LRTM2: variants seen among roughly 807,000 people sequenced by gnomAD.
LRTM2 encodes leucine rich repeat transmembrane protein 2.
A neutral mutation model predicts 28.1 loss-of-function variants in LRTM2; 18 were observed. The observed-to-expected ratio is 0.64, with a 90% CI of 0.44 to 0.95. The LOEUF is 0.95. Ranked by LOEUF, LRTM2 falls within the 40% of genes least tolerant of loss-of-function variation. The pLI is 0.00. For missense variants in LRTM2, 436 were observed against 497.2 expected (o/e 0.88, Z 1.17); for synonymous variants, 250 against 218.7 (o/e 1.14, Z -1.26).
rs1864869106 is a variant in LRTM2 at position 1,836,601 on chromosome 12, A to C, written c.*1880A>C. 6.6e-6 allele frequency: 1 copy of C among 152,430 alleles called. No individual in the cohort carries two copies. Among genetic ancestry groups the C allele is most frequent in the Non-Finnish European group, 1.5e-5 (1 of 68,064 alleles). 9.4% of individuals were successfully genotyped at this position (152,430 alleles called of 1,614,324 possible). ...TCCTTCTTTTGGCGTGTGGGCTGGT[A>C]CCAGATCTGGGGATTTTCTAAAGGG... is the stretch of plus-strand genomic sequence containing the variant. On this transcript the variant is annotated 3_prime_UTR_variant, in exon 5 of 5. Coordinates refer to ENST00000299194, the MANE Select transcript of LRTM2 (RefSeq NM_001039029.3).
rs190717324 is a variant in LRTM2, at chr12:1,828,188, C to T, written c.40C>T (p.Leu14Phe). Reference protein sequence around the residue: ...PGSSPGQRGRLALQWRQVSWI... With the variant: ...PGSSPGQRGRFALQWRQVSWI... ...CAGCAGCCCTGGGCAGAGGGGCAGG[C>T]TCGCCCTGCAGTGGAGGCAAGTCTC... is the stretch of plus-strand genomic sequence containing the variant. The change falls in exon 3 of 5, where the codon CTC becomes TTC. Residue 14 changes from leucine to phenylalanine, a missense_variant. Leu to Phe is a conservative substitution (Grantham distance 22). Transcript: ENST00000299194. The surrounding 1 kb of genome is among the most constrained non-coding windows in gnomAD (Gnocchi z 4.2). The T allele has an allele frequency of 1.3e-3, 2,071 of 1,547,182 alleles. 3 individuals are homozygous for T. The highest frequency in any genetic ancestry group is 0.012 in the Middle Eastern group (70 of 5,762).
Position 1,821,603 on chromosome 12 carries a change from T to A in LRTM2, c.-259+789T>A, listed in dbSNP as rs552369530. Among the ~76,000 whole-genome samples the A allele has an allele frequency of 9.1e-4, 138 of 152,196 alleles. 1 individual carries two copies. Among genetic ancestry groups the A allele is most frequent in the Middle Eastern group, 3.4e-3 (1 of 294 alleles). ...TGGGTCAGGGAGCCTTAGTGGGGGC[T>A]GGACACTGAGCTTGGGTGGGGGGTA... On this transcript the variant is annotated intron_variant, in intron 1 of 4. Transcript: ENST00000299194.
chr12:1,831,624 G>A (rs542707720), intron 4 of LRTM2, 99 bp downstream of exon 4: 10 of 1,079,008 alleles, frequency 9.3e-6, no homozygotes, highest in Admixed American at 2.4e-5. Flanking sequence ...CAGAGAGCAG[G>A]CCAGGGGAAA....
At chr12:1,826,411 C>T (rs4564390) in intron 1 of LRTM2, among the ~76,000 whole-genome samples, 1,115 of 102,582 alleles carry the variant, frequency 0.011, 27 homozygotes, top group East Asian at 0.039. Flanking sequence ...CCCCCCCCCC[C>T]CCCCCGCCAA....
At position 1,828,041 on chromosome 12, in the gene LRTM2, C is replaced by T. The variant is rs140663876; in HGVS notation, c.-73-35C>T. 94 of 1,077,540 alleles carry T rather than the reference C, an allele frequency of 8.7e-5. No individual in the cohort carries two copies. Among genetic ancestry groups the T allele is most frequent in the East Asian group, 3.0e-4 (10 of 33,628 alleles). The allele number at this position is 1,077,540 out of a possible 1,614,324, so 66.7% of individuals were successfully genotyped here. A position where few individuals can be genotyped will look rare whatever the true frequency, so the allele number is the denominator to read the frequency against. The stretch of plus-strand genomic sequence containing the variant: ...CCCCTGGGCTGGAACGGGGCTCCCG[C>T]GCCTGCCTGTGCTCAGTGCTCCTCC... On this transcript the variant is annotated intron_variant, in intron 2 of 4. Transcript: ENST00000299194. The surrounding 1 kb of genome is among the most constrained non-coding windows in gnomAD (Gnocchi z 4.2).
rs1331264735 is a variant in LRTM2, at chr12:1,829,853, T to G, written c.68-1082T>G. 6.6e-6 allele frequency among the ~76,000 whole-genome samples: 1 copy of G among 152,086 alleles called. No homozygotes were observed. Among genetic ancestry groups the G allele is most frequent in the East Asian group, 1.9e-4 (1 of 5,160 alleles). On this transcript the variant is annotated intron_variant, in intron 3 of 4. Coordinates refer to ENST00000299194, the MANE Select transcript of LRTM2 (RefSeq NM_001039029.3). This position sits in a 1 kb window ranked among gnomAD's most constrained non-coding sequence, Gnocchi z 4.2. ...CTGGGCTGACCTGGTGGGGCTGAAC[T>G]ATTTTGAATTCTTCCCAGTTCTCTT...
At chr12:1,822,945 G>C (rs1052457287) in intron 1 of LRTM2, among the ~76,000 whole-genome samples, 1 of 152,206 alleles carries the variant, frequency 6.6e-6, no homozygotes, top group African/African-American at 2.4e-5. Flanking sequence ...TTGGTGGAAG[G>C]GCACGGCCCC....
intron 1 of LRTM2, among the ~76,000 whole-genome samples, chr12:1,826,495 G>C (rs1427915231): frequency 6.6e-6 from 1 of 150,666 alleles, no homozygotes; most frequent in Non-Finnish European, 1.5e-5. Context: ...ACGCTCAGGG[G>C]CTCCTCCACC....
intron 3 of LRTM2, among the ~76,000 whole-genome samples, chr12:1,830,147 A>G (rs900859134): frequency 2.6e-5 from 4 of 152,232 alleles, no homozygotes; most frequent in African/African-American, 9.6e-5. Flanking sequence ...CCAGGCTGAG[A>G]GCCTAGATGG....
Position 1,834,630 on chromosome 12 carries a change from A to G in LRTM2, c.1022A>G (p.Lys341Arg), listed in dbSNP as rs1166244301. Residue 341 changes from lysine to arginine, a missense_variant, in exon 5 of 5, where the codon AAG (lysine) becomes AGG (arginine). By Grantham distance (26) the Lys-to-Arg change is conservative. Coordinates refer to ENST00000299194, the MANE Select transcript of LRTM2 (RefSeq NM_001039029.3). This position sits in a 1 kb window ranked among gnomAD's most constrained non-coding sequence, Gnocchi z 7.6. ...TGCATCTACGCCTCCCTCATGGCCA[A>G]GTACCACCGGGAGCTCAAAAAGCGC... is the stretch of plus-strand genomic sequence containing the variant. ...YGCIYASLMA[K>R]YHRELKKRQP... 1.9e-6 allele frequency: 3 copies of G among 1,600,320 alleles called. No individual in the cohort carries two copies. The highest frequency in any genetic ancestry group is 1.1e-5 in the South Asian group (1 of 91,078).
intron 4 of LRTM2, among the ~76,000 whole-genome samples, chr12:1,832,740 T>C (rs1383061172): frequency 3.3e-5 from 5 of 152,230 alleles, no homozygotes; most frequent in Non-Finnish European, 7.3e-5. Context: ...TAGTTTCCAG[T>C]TTACCAATGT....
rs1864794576 is a variant in LRTM2, at chr12:1,834,974, A to G, written c.*253A>G. 1.6e-6 allele frequency: 1 copy of G among 614,258 alleles called. No individual in the cohort carries two copies. Among genetic ancestry groups the G allele is most frequent in the Non-Finnish European group, 2.7e-6 (1 of 376,962 alleles). The allele number at this position is 614,258 out of a possible 1,614,324, so 38.1% of individuals were successfully genotyped here. ...TTTGGAACATGTGGGGGATCTCCCTAAGCTCTGGCCACAGCAAAGCAAGGA... is the reference window on the plus strand; with the variant it reads ...TTTGGAACATGTGGGGGATCTCCCTGAGCTCTGGCCACAGCAAAGCAAGGA... On this transcript the variant is annotated 3_prime_UTR_variant, in exon 5 of 5. Coordinates refer to ENST00000299194, the MANE Select transcript of LRTM2 (RefSeq NM_001039029.3). This position sits in a 1 kb window ranked among gnomAD's most constrained non-coding sequence, Gnocchi z 7.6.
At chr12:1,822,332 G>A (rs1864138013) in intron 1 of LRTM2, among the ~76,000 whole-genome samples, 1 of 152,122 alleles carries the variant, frequency 6.6e-6, no homozygotes, top group African/African-American at 2.4e-5. Flanking sequence ...TGATGGTTGG[G>A]GGTGTCTGGG....
Position 1,822,328 on chromosome 12 carries a change from T to C in LRTM2, c.-259+1514T>C, listed in dbSNP as rs148812564. ...GGAGGGGATGGCATGTATGTGATGG[T>C]TGGGGGTGTCTGGGAGTTCTGGGGG... is the stretch of plus-strand genomic sequence containing the variant. On this transcript the variant is annotated intron_variant, in intron 1 of 4. Transcript: ENST00000299194. Among the ~76,000 whole-genome samples the C allele has an allele frequency of 4.7e-3, 718 of 151,996 alleles. 5 individuals carry two copies. Among genetic ancestry groups the C allele is most frequent in the African/African-American group, 0.017 (687 of 41,466 alleles).
Position 1,827,586 on chromosome 12 carries a change from C to T in LRTM2, c.-82C>T, listed in dbSNP as rs539728311. 2.7e-4 allele frequency: 42 copies of T among 153,238 alleles called. No homozygotes were observed. Among genetic ancestry groups the T allele is most frequent in the Middle Eastern group, 3.4e-3 (1 of 294 alleles). 9.5% of individuals were successfully genotyped at this position (153,238 alleles called of 1,614,324 possible). On this transcript the variant is annotated 5_prime_UTR_variant, in exon 2 of 5. Coordinates refer to ENST00000299194, the MANE Select transcript of LRTM2 (RefSeq NM_001039029.3). ...CCAAGGGCCTGGCCCCTGCCTCCCTCGGGCCATGGTGAGCTGTGGCGGGGC... is the reference window on the plus strand; with the variant it reads ...CCAAGGGCCTGGCCCCTGCCTCCCTTGGGCCATGGTGAGCTGTGGCGGGGC...
Position 1,831,185 on chromosome 12 carries a change from G to T in LRTM2, c.318G>T (p.Arg106=). 1 of 1,613,862 alleles carries T rather than the reference G, an allele frequency of 6.2e-7. No individual in the cohort carries two copies. Among genetic ancestry groups the T allele is most frequent in the Non-Finnish European group, 8.5e-7 (1 of 1,180,026 alleles). Reference sequence around the variant, plus strand: ...ACCTGTCCAACAACTTCCTGGACCGGCTGCCCCGCTCCATTTTCGGGGACC... The same window carrying T: ...ACCTGTCCAACAACTTCCTGGACCGTCTGCCCCGCTCCATTTTCGGGGACC... ...RLDLSNNFLD[R]LPRSIFGDLT... The change falls in exon 4 of 5, where the codon CGG becomes CGT. Residue 106 remains arginine, a synonymous_variant. Transcript: ENST00000299194.
At chr12:1,823,452 GT>G (rs1359871851) in intron 1 of LRTM2, among the ~76,000 whole-genome samples, 2 of 152,126 alleles carry the variant, frequency 1.3e-5, no homozygotes, top group African/African-American at 4.8e-5. Flanking sequence ...GCCGAGTGGG[GT>G]GCTAGCAGGG....
At chr12:1,822,622 C>T (rs573721610) in intron 1 of LRTM2, among the ~76,000 whole-genome samples, 1 of 152,244 alleles carries the variant, frequency 6.6e-6, no homozygotes, top group South Asian at 2.1e-4. Flanking sequence ...GACAAGGAAA[C>T]GGGGGTGCAG....
In LRTM2 at chr12:1,831,462, C is replaced by T; in HGVS notation, c.595C>T (p.Pro199Ser). The stretch of plus-strand genomic sequence containing the variant: ...GCAGCTGCTGCAGGTCGGGGATAAC[C>T]CCTGGGAGTGTGACTGTAACCTGCG... ...NLQLLQVGDN[P>S]WECDCNLREF... The change falls in exon 4 of 5, where the codon CCC becomes TCC. Residue 199 changes from proline to serine, a missense_variant. Coordinates refer to ENST00000299194, the MANE Select transcript of LRTM2 (RefSeq NM_001039029.3). 8.1e-6 allele frequency: 13 copies of T among 1,614,062 alleles called. No homozygotes were observed. Among genetic ancestry groups the T allele is most frequent in the Non-Finnish European group, 1.1e-5 (13 of 1,180,026 alleles).
Sources: gnomAD v4.1 joint callset for allele counts (sites outside exome capture counted in the v4.1 genomes callset) on GRCh38, gnomAD v4.1.1 for gene constraint, Gnocchi (gnomAD v3.1) non-coding constraint, MANE v1.5 for transcripts, NCBI Gene and HGNC (gene_info 2026-07-23, HGNC 2026-07-21) for gene names.